SLITRK2: variants seen among roughly 807,000 people sequenced by gnomAD.
The protein encoded by SLITRK2 is SLIT and NTRK-like protein 2.
In SLITRK2, 13 loss-of-function variants were observed where a neutral mutation model predicts 35.4. The observed-to-expected ratio is 0.37, with a 90% CI of 0.24 to 0.58. The LOEUF (loss-of-function observed/expected upper bound fraction) is 0.58. SLITRK2 is among the 20% of genes least tolerant of loss of function. The pLI, the probability that SLITRK2 is intolerant of heterozygous loss-of-function variation, is 0.75. For missense variants in SLITRK2, 471 were observed against 634.3 expected (o/e 0.74, Z 2.76); for synonymous variants, 294 against 264.7 (o/e 1.11, Z -1.07).
In SLITRK2 at chrX:145,827,757, T is replaced by C. The variant is rs1603146872; in HGVS notation, c.*2794T>C. 25 of 1,206,555 alleles carry C rather than the reference T, an allele frequency of 2.1e-5. No homozygotes were observed. The highest frequency in any genetic ancestry group is 2.7e-5 in the Non-Finnish European group (24 of 892,585). On this transcript the variant is annotated 3_prime_UTR_variant, in exon 5 of 5. Coordinates refer to ENST00000335565, the MANE Select transcript of SLITRK2 (RefSeq NM_032539.5). ...TTATTTTCTAATGCAATCATAAACA[T>C]TTTAAGTTTTATTAACTCACTAGCA...
At position 145,822,740 on chromosome X, in the gene SLITRK2, A is replaced by G. The variant is rs782440073; in HGVS notation, c.315A>G (p.Ala105=). The G allele has an allele frequency of 2.5e-6, 3 of 1,211,189 alleles. No homozygotes were observed. Among genetic ancestry groups the G allele is most frequent in the Admixed American group, 2.2e-5 (1 of 46,027 alleles). Residue 105 remains alanine (A), a synonymous_variant, in exon 5 of 5, where the codon GCA becomes GCG. Coordinates refer to ENST00000335565, the MANE Select transcript of SLITRK2 (RefSeq NM_032539.5). ...NNGLQEIRTG[A]FSGLKTLKRL... ...GGTTACAGGAGATCCGAACGGGGGC[A>G]TTCAGTGGCCTGAAAACTCTCAAAA...
Position 145,822,363 on chromosome X carries a change from T to TC in SLITRK2, c.-43-15dup, listed in dbSNP as rs1712902021. 6.8e-6 allele frequency: 7 copies of TC among 1,026,132 alleles called. No homozygotes were observed. Among genetic ancestry groups the TC allele is most frequent in the Middle Eastern group, 3.4e-4 (1 of 2,973 alleles). The allele number at this position is 1,026,132 out of a possible 1,213,427, so 84.6% of individuals were successfully genotyped here. On this transcript the variant is annotated intron_variant, in intron 4 of 4. Coordinates refer to ENST00000335565, the MANE Select transcript of SLITRK2 (RefSeq NM_032539.5). The stretch of plus-strand genomic sequence containing the variant: ...TTCTTTCTTCCCTGCACCCGCTTCT[T>TC]CCCCCTGCCCCCACCTAAGGTTTGC...
rs2073028601 is a variant in SLITRK2 at position 145,822,024 on chromosome X, G to T, written c.-173G>T. The T allele has an allele frequency of 7.8e-6, 1 of 127,471 alleles. No homozygotes were observed. Among genetic ancestry groups the T allele is most frequent in the African/African-American group, 3.4e-5 (1 of 29,833 alleles). 10.5% of individuals were successfully genotyped at this position (127,471 alleles called of 1,213,427 possible). A position where few individuals can be genotyped will look rare whatever the true frequency, so the allele number is the denominator to read the frequency against. On this transcript the variant is annotated 5_prime_UTR_variant, in exon 4 of 5. Transcript: ENST00000335565. ...CTAAAGCGATTGCGATTTCTGCTGG[G>T]AGCTCAAGACGGGCGAGCTGCCCGA...
Position 145,817,938 on chromosome X carries a change from A to G in SLITRK2, c.-881A>G, listed in dbSNP as rs2124115809. 1 of 109,589 alleles carries G rather than the reference A, an allele frequency of 9.1e-6. No homozygotes were observed. The highest frequency in any genetic ancestry group is 4.1e-4 in the South Asian group (1 of 2,467). 9.0% of individuals were successfully genotyped at this position (109,589 alleles called of 1,213,427 possible). A position where few individuals can be genotyped will look rare whatever the true frequency, so the allele number is the denominator to read the frequency against. On this transcript the variant is annotated 5_prime_UTR_variant, in exon 1 of 5. Coordinates refer to ENST00000335565, the MANE Select transcript of SLITRK2 (RefSeq NM_032539.5). The stretch of plus-strand genomic sequence containing the variant: ...GGTGCTCTCGCTCCTGGGCTGCGCC[A>G]GTCCGAGGCGGTGCCGGCTCCTTTG...
chrX:145,821,401 C>G lies in SLITRK2; in HGVS notation c.-676C>G, dbSNP rs2073013768. ...TGACGCAGCCGGGAATTGAGCTTTG[C>G]AAAGCCACTTGCAAGGAAGGGAAGC... On this transcript the variant is annotated 5_prime_UTR_variant, in exon 3 of 5. Coordinates refer to ENST00000335565, the MANE Select transcript of SLITRK2 (RefSeq NM_032539.5). The G allele has an allele frequency of 9.1e-6, 1 of 110,474 alleles. No individual in the cohort carries two copies. Among genetic ancestry groups the G allele is most frequent in the African/African-American group, 3.3e-5 (1 of 30,241 alleles). The allele number at this position is 110,474 out of a possible 1,213,427, so 9.1% of individuals were successfully genotyped here.
Position 145,827,947 on chromosome X carries a change from A to G in SLITRK2, c.*2984A>G. ...AGCATCAGCACAGCAAAATGGTTCCAGCCTACAGAATGCAGTCTCCCAGGG... is the reference window on the plus strand; with the variant it reads ...AGCATCAGCACAGCAAAATGGTTCCGGCCTACAGAATGCAGTCTCCCAGGG... On this transcript the variant is annotated 3_prime_UTR_variant, in exon 5 of 5. Transcript: ENST00000335565. 3.3e-6 allele frequency: 4 copies of G among 1,210,425 alleles called. No individual in the cohort carries two copies. Among genetic ancestry groups the G allele is most frequent in the Non-Finnish European group, 4.5e-6 (4 of 895,053 alleles).
chrX:145,827,819 C>G lies in SLITRK2; in HGVS notation c.*2856C>G. 8.3e-7 allele frequency: 1 copy of G among 1,211,927 alleles called. No individual in the cohort carries two copies. Among genetic ancestry groups the G allele is most frequent in the Non-Finnish European group, 1.1e-6 (1 of 895,533 alleles). On this transcript the variant is annotated 3_prime_UTR_variant, in exon 5 of 5. Coordinates refer to ENST00000335565, the MANE Select transcript of SLITRK2 (RefSeq NM_032539.5). ...TATATTCTGTTTTGCTTTATCTGCTCAAGCACTTTCGACCATATTTTATTT... is the reference window on the plus strand; with the variant it reads ...TATATTCTGTTTTGCTTTATCTGCTGAAGCACTTTCGACCATATTTTATTT...
chrX:145,822,469 G>A lies in SLITRK2; in HGVS notation c.44G>A (p.Gly15Glu), dbSNP rs2124146957. ...TTCCTCAGTGTGTTAACCGTGGCCG[G>A]GATCTTACAGACAGAGAGTCGCAAA... Reference protein sequence around the residue: ...VWFLSVLTVAGILQTESRKTA... With the variant: ...VWFLSVLTVAEILQTESRKTA... Residue 15 changes from glycine (G) to glutamate (E), a missense_variant, in exon 5 of 5, where the codon GGG (glycine) becomes GAG (glutamate). Gly to Glu is a moderately conservative substitution (Grantham distance 98). Coordinates refer to ENST00000335565, the MANE Select transcript of SLITRK2 (RefSeq NM_032539.5). 1.7e-6 allele frequency: 2 copies of A among 1,210,652 alleles called. No individual in the cohort carries two copies. The highest frequency in any genetic ancestry group is 2.2e-6 in the Non-Finnish European group (2 of 894,932).
rs2073131787 is a variant in SLITRK2 at position 145,826,820 on chromosome X, A to T, written c.*1857A>T. On this transcript the variant is annotated 3_prime_UTR_variant, in exon 5 of 5. Coordinates refer to ENST00000335565, the MANE Select transcript of SLITRK2 (RefSeq NM_032539.5). The stretch of plus-strand genomic sequence containing the variant: ...AACTTACTTTTAAAGCTTTAAAATT[A>T]CCAATAGTATATTGTCTGTCACTAT... 1 of 112,199 alleles carries T rather than the reference A, an allele frequency of 8.9e-6. No homozygotes were observed. The highest frequency in any genetic ancestry group is 1.9e-5 in the Non-Finnish European group (1 of 53,192). 9.2% of individuals were successfully genotyped at this position (112,199 alleles called of 1,213,427 possible).
Position 145,823,118 on chromosome X carries a change from A to G in SLITRK2, c.693A>G (p.Leu231=), listed in dbSNP as rs782298997. 6 of 1,209,543 alleles carry G rather than the reference A, an allele frequency of 5.0e-6. No individual in the cohort carries two copies. In the African/African-American group the frequency reaches 1.1e-4, roughly 21 times the overall value. Residue 231 remains leucine, a synonymous_variant, in exon 5 of 5, where the codon CTA becomes CTG. Coordinates refer to ENST00000335565, the MANE Select transcript of SLITRK2 (RefSeq NM_032539.5). ...ACTTACTTCCTCTCAAGGCCTGGCT[A>G]GACACCATAACTGTTTTTGTGGGAG... ...TCDLLPLKAW[L]DTITVFVGEI...
At position 145,825,186 on chromosome X, in the gene SLITRK2, T is replaced by C; in HGVS notation, c.*223T>C. On this transcript the variant is annotated 3_prime_UTR_variant, in exon 5 of 5. Coordinates refer to ENST00000335565, the MANE Select transcript of SLITRK2 (RefSeq NM_032539.5). ...CTCCCCTCCTTTTTTTTTTTTTTTT[T>C]TTTTTCTTTTTCCCTTCTCTTCTTA... The C allele has an allele frequency of 5.9e-6, 2 of 337,819 alleles. No homozygotes were observed. 27.8% of individuals were successfully genotyped at this position (337,819 alleles called of 1,213,427 possible).
intron 1 of SLITRK2, 28 bp from the exon 2 acceptor site, chrX:145,820,446 A>G (rs1486260487): frequency 8.9e-6 from 1 of 112,735 alleles, no homozygotes; most frequent in Non-Finnish European, 1.9e-5. Flanking sequence ...GGGAGGGCCC[A>G]TACAGTCTAC....
chrX:145,824,457 G>C lies in SLITRK2; in HGVS notation c.2032G>C (p.Asp678His), dbSNP rs2124202490. 8.3e-7 allele frequency: 1 copy of C among 1,211,298 alleles called. No homozygotes were observed. Among genetic ancestry groups the C allele is most frequent in the Non-Finnish European group, 1.1e-6 (1 of 895,414 alleles). The stretch of plus-strand genomic sequence containing the variant: ...TGGGTCTTACAACACTGAGACTCAC[G>C]ATAAAACAGACGGCCATGTCTACAA... ...QYGSYNTETH[D>H]KTDGHVYNYI... The change falls in exon 5 of 5, where the codon GAT becomes CAT. Residue 678 changes from aspartate (D) to histidine (H), a missense_variant. Around this residue, in one of 7 missense-constraint regions of SLITRK2, gnomAD observed 190 missense variants for 199.3 expected, o/e 0.95. Transcript: ENST00000335565.
rs2124203844 is a variant in SLITRK2, at chrX:145,824,501, G to A, written c.2076G>A (p.Val692=). Residue 692 remains valine (V), a synonymous_variant, in exon 5 of 5, where the codon GTG becomes GTA. Coordinates refer to ENST00000335565, the MANE Select transcript of SLITRK2 (RefSeq NM_032539.5). ...TCTACAACTATATCCCCCCACCTGT[G>A]GGTCAGATGTGCCAAAACCCCATCT... ...GHVYNYIPPP[V]GQMCQNPIYM... is the part of the protein sequence containing the mutation. 8.3e-7 allele frequency: 1 copy of A among 1,211,154 alleles called. No homozygotes were observed. Among genetic ancestry groups the A allele is most frequent in the South Asian group, 1.8e-5 (1 of 56,915 alleles).
rs1556944092 is a variant in SLITRK2 at position 145,823,111 on chromosome X, C to T, written c.686C>T (p.Ala229Val). 1.7e-6 allele frequency: 2 copies of T among 1,211,332 alleles called. No individual in the cohort carries two copies. The highest frequency in any genetic ancestry group is 2.2e-6 in the Non-Finnish European group (2 of 895,292). ...NCTCDLLPLK[A>V]WLDTITVFVG... ...ACTTGTGACTTACTTCCTCTCAAGG[C>T]CTGGCTAGACACCATAACTGTTTTT... is the stretch of plus-strand genomic sequence containing the variant. Residue 229 changes from alanine (A) to valine (V), a missense_variant, in exon 5 of 5, where the codon GCC (alanine) becomes GTC (valine). Coordinates refer to ENST00000335565, the MANE Select transcript of SLITRK2 (RefSeq NM_032539.5).
Position 145,824,568 on chromosome X carries a change from C to G in SLITRK2, c.2143C>G (p.Leu715Val), listed in dbSNP as rs2124206100. ...EGDPVAYYRN[L>V]QEFSYSNLEE... ...AGACCCAGTAGCCTATTACCGAAAC[C>G]TGCAAGAGTTCAGCTATAGCAACCT... The change falls in exon 5 of 5, where the codon CTG becomes GTG. Residue 715 changes from leucine (L) to valine (V), a missense_variant. Physicochemically the swap from Leu to Val is conservative, Grantham distance 32. Transcript: ENST00000335565. The G allele has an allele frequency of 1.7e-6, 2 of 1,210,668 alleles. No individual in the cohort carries two copies. Among genetic ancestry groups the G allele is most frequent in the Non-Finnish European group, 1.1e-6 (1 of 895,316 alleles).
At position 145,823,892 on chromosome X, in the gene SLITRK2, T is replaced by C. The variant is rs142510418; in HGVS notation, c.1467T>C (p.Asn489=). ...NNNLLRSLPD[N]IFGGTALTRL... is the part of the protein sequence containing the mutation. ...ACCTTCTTCGGTCCTTACCTGATAA[T>C]ATATTTGGGGGGACGGCCCTAACCA... is the stretch of plus-strand genomic sequence containing the variant. Residue 489 remains asparagine, a synonymous_variant, in exon 5 of 5, where the codon AAT becomes AAC. Coordinates refer to ENST00000335565, the MANE Select transcript of SLITRK2 (RefSeq NM_032539.5). 1,170 of 1,209,227 alleles carry C rather than the reference T, an allele frequency of 9.7e-4. 4 individuals are homozygous for C. In the African/African-American group the frequency reaches 0.016, roughly 17 times the overall value.
chrX:145,821,331 C>A lies in SLITRK2; in HGVS notation c.-729-17C>A, dbSNP rs2073011877. The A allele has an allele frequency of 9.1e-6, 1 of 109,867 alleles. No individual in the cohort carries two copies. Among genetic ancestry groups the A allele is most frequent in the African/African-American group, 3.3e-5 (1 of 30,070 alleles). The allele number at this position is 109,867 out of a possible 1,213,427, so 9.1% of individuals were successfully genotyped here. ...TTGAGAAACCCCTCTGCAGGAGCTT[C>A]TCCTGCCGCCAGCCAGGTTGGAGGT... On this transcript the variant is annotated splice_polypyrimidine_tract_variant and intron_variant, in intron 2 of 4. Transcript: ENST00000335565.
Position 145,823,673 on chromosome X carries a change from A to G in SLITRK2, c.1248A>G (p.Glu416=). 2 of 1,211,500 alleles carry G rather than the reference A, an allele frequency of 1.7e-6. No individual in the cohort carries two copies. Among genetic ancestry groups the G allele is most frequent in the South Asian group, 1.8e-5 (1 of 56,911 alleles). Residue 416 remains glutamate (E), a synonymous_variant, in exon 5 of 5, where the codon GAA becomes GAG. Coordinates refer to ENST00000335565, the MANE Select transcript of SLITRK2 (RefSeq NM_032539.5). ...LGNNRIAVIQ[E]GAFTNLTSLR... Reference sequence around the variant, plus strand: ...ACAACAGGATTGCAGTCATTCAGGAAGGTGCCTTTACAAACCTGACCAGTT... The same window carrying G: ...ACAACAGGATTGCAGTCATTCAGGAGGGTGCCTTTACAAACCTGACCAGTT...
Sources: gnomAD v4.1 joint callset for allele counts on GRCh38, gnomAD v4.1.1 for gene constraint, gnomAD v4.1.1 regional missense constraint, MANE v1.5 for transcripts, NCBI Gene and HGNC (gene_info 2026-07-23, HGNC 2026-07-21) for gene names.